The following RUNX1 variants were observed in gnomAD, a reference collection of about 807,000 sequenced individuals.
The protein encoded by RUNX1 is runt-related transcription factor 1.
A neutral mutation model predicts 42.8 loss-of-function variants in RUNX1; 19 were observed. The observed-to-expected ratio is 0.44, with a 90% CI of 0.31 to 0.65. The LOEUF is 0.65. RUNX1 is among the 30% of genes least tolerant of loss of function. The pLI, the probability that RUNX1 is intolerant of heterozygous loss-of-function variation, is 0.07. For missense variants in RUNX1, 528 were observed against 672.0 expected, an observed-to-expected ratio of 0.79 and a Z score of 2.37; for synonymous variants, 271 against 289.4, an observed-to-expected ratio of 0.94 and a Z score of 0.64.
chr21:34,790,235 A>G lies in RUNX1; in HGVS notation c.*1900T>C, dbSNP rs2056417357. 1 of 233,358 alleles carries G rather than the reference A, an allele frequency of 4.3e-6. No individual in the cohort carries two copies. The highest frequency in any genetic ancestry group is 2.2e-5 in the African/African-American group (1 of 45,466). 14.5% of individuals were successfully genotyped at this position (233,358 alleles called of 1,614,324 possible). A position where few individuals can be genotyped will look rare whatever the true frequency, so the allele number is the denominator to read the frequency against. ...TGTAAAACAAATAATCAATATATAT[A>G]TAAGAAAACTCAAAAACAAGTTGTT... is the stretch of plus-strand genomic sequence containing the variant. On this transcript the variant is annotated 3_prime_UTR_variant, in exon 9 of 9. Coordinates refer to ENST00000675419, the MANE Select transcript of RUNX1 (RefSeq NM_001754.5).
chr21:34,799,034 A>G (rs2056570509), intron 8 of RUNX1, among the ~76,000 whole-genome samples: 1 of 152,196 alleles, frequency 6.6e-6, no homozygotes, highest in Non-Finnish European at 1.5e-5. Context: ...TTAACCCTTC[A>G]GTCACCATCC....
chr21:35,010,625 G>GCGCGCA (rs376461042), intron 2 of RUNX1, among the ~76,000 whole-genome samples: 139 of 143,708 alleles, frequency 9.7e-4, no homozygotes, highest in African/African-American at 3.3e-3. Flanking sequence ...ACACACACAC[G>GCGCGCA]CACACACACA....
chr21:34,920,369 G>A (rs1216332925), intron 2 of RUNX1, among the ~76,000 whole-genome samples: 1 of 152,128 alleles, frequency 6.6e-6, no homozygotes, highest in Non-Finnish European at 1.5e-5. Flanking sequence ...ATGAGGTGAA[G>A]CAAGAATGAA....
At chr21:34,927,029 C>T (rs558064530) in intron 2 of RUNX1, among the ~76,000 whole-genome samples, 30 of 152,214 alleles carry the variant, frequency 2.0e-4, no homozygotes, top group African/African-American at 6.5e-4. Flanking sequence ...TGGAATGAGT[C>T]GTTTAGTGCT....
In RUNX1 at chr21:34,892,973, CAG is replaced by C. The variant is rs762416613; in HGVS notation, c.59-12_59-11del. The C allele has an allele frequency of 5.3e-5, 82 of 1,560,566 alleles. No homozygotes were observed. The highest frequency in any genetic ancestry group is 2.3e-4 in the African/African-American group (17 of 73,606). ...ATTCCAAGTATGCATTCTGAAATAA[CAG>C]AAAGTAGGAAAATAAAAGTAATGCA... On this transcript the variant is annotated splice_polypyrimidine_tract_variant and intron_variant, in intron 2 of 8. Transcript: ENST00000675419.
intron 2 of RUNX1, among the ~76,000 whole-genome samples, chr21:34,964,227 G>A (rs1158249391): frequency 1.3e-5 from 2 of 152,138 alleles, no homozygotes; most frequent in Admixed American, 6.5e-5. Context: ...GGTGGCTCAC[G>A]CCTGTAATTC....
At chr21:35,035,467 G>A (rs577567907) in intron 2 of RUNX1, among the ~76,000 whole-genome samples, 21 of 152,326 alleles carry the variant, frequency 1.4e-4, no homozygotes, top group East Asian at 5.8e-4. Context: ...CCTAGAAGCC[G>A]TGTGGCCTGG....
chr21:34,985,585 C>T (rs1438121955), intron 2 of RUNX1, among the ~76,000 whole-genome samples: 1 of 152,216 alleles, frequency 6.6e-6, no homozygotes, highest in Non-Finnish European at 1.5e-5. Context: ...AATCCCTATA[C>T]TGACCCCTAC....
At chr21:34,849,278 T>G (rs1454967274) in intron 6 of RUNX1, among the ~76,000 whole-genome samples, 1 of 66,582 alleles carries the variant, frequency 1.5e-5, no homozygotes, top group African/African-American at 5.8e-5. Flanking sequence ...AATATATATA[T>G]AATATATATT....
intron 2 of RUNX1, among the ~76,000 whole-genome samples, chr21:34,893,459 C>A (rs1012879760): frequency 6.6e-6 from 1 of 152,180 alleles, no homozygotes; most frequent in Non-Finnish European, 1.5e-5. Context: ...AAACCTCTCA[C>A]AAGTTCTAAT....
intron 7 of RUNX1, among the ~76,000 whole-genome samples, chr21:34,799,852 A>C (rs2145911701): frequency 6.6e-6 from 1 of 152,332 alleles, no homozygotes; most frequent in South Asian, 2.1e-4. Flanking sequence ...AATTATCATC[A>C]TCAGAAACAT....
intron 2 of RUNX1, among the ~76,000 whole-genome samples, chr21:34,931,862 G>C (rs146421098): frequency 6.6e-6 from 1 of 152,018 alleles, no homozygotes; most frequent in Admixed American, 6.6e-5. Flanking sequence ...AGAGTGGTTG[G>C]ATTTGTGTTC....
rs528842360 is a variant in RUNX1 at position 34,804,148 on chromosome 21, A to T, written c.806-4686T>A. 8.5e-5 allele frequency among the ~76,000 whole-genome samples: 13 copies of T among 152,304 alleles called. No homozygotes were observed. In the East Asian group the frequency reaches 2.5e-3, roughly 29 times the overall value. Reference sequence around the variant, plus strand: ...GGGAGCAGAATTTCTGAATTCATAAACTGATGAGAACACTTAATGGTGATT... The same window carrying T: ...GGGAGCAGAATTTCTGAATTCATAATCTGATGAGAACACTTAATGGTGATT... On this transcript the variant is annotated intron_variant, in intron 7 of 8. Coordinates refer to ENST00000675419, the MANE Select transcript of RUNX1 (RefSeq NM_001754.5).
chr21:34,818,842 G>A (rs746999954), intron 7 of RUNX1, among the ~76,000 whole-genome samples: 7 of 152,188 alleles, frequency 4.6e-5, no homozygotes, highest in African/African-American at 9.7e-5. Flanking sequence ...GTGGAGCAGC[G>A]TGCAGAGGCA....
chr21:34,927,415 G>A (rs1397069185), intron 2 of RUNX1, among the ~76,000 whole-genome samples: 1 of 152,130 alleles, frequency 6.6e-6, no homozygotes. Context: ...TATCTATGAT[G>A]CAACTAGTTT....
At chr21:34,889,772 G>C (rs2058056813) in intron 3 of RUNX1, 2 of 1,148,330 alleles carry the variant, frequency 1.7e-6, no homozygotes, top group Non-Finnish European at 2.2e-6. Context: ...CCCCCGGTCC[G>C]GCGTGCGCTG....
At chr21:35,042,372 T>C (rs2059365417) in intron 2 of RUNX1, among the ~76,000 whole-genome samples, 1 of 152,222 alleles carries the variant, frequency 6.6e-6, no homozygotes, top group South Asian at 2.1e-4. Context: ...TGATACAAGA[T>C]ATGACTGGGA....
At chr21:35,047,551 ACACACACACACTCTCTCTCTCTCT>A (rs1429005164) in intron 2 of RUNX1, among the ~76,000 whole-genome samples, 16 of 95,434 alleles carry the variant, frequency 1.7e-4, no homozygotes, top group African/African-American at 7.9e-4. Context: ...ACACACACAC[ACACACACACACTCTCTCTCTCTCT>A]CTCTCTCTCT....
At chr21:34,962,231 T>A (rs1251362935) in intron 2 of RUNX1, among the ~76,000 whole-genome samples, 1 of 152,206 alleles carries the variant, frequency 6.6e-6, no homozygotes, top group African/African-American at 2.4e-5. Context: ...CATTTATAGA[T>A]TGTTTTGATG....
Sources: gnomAD v4.1 joint callset for allele counts (sites outside exome capture counted in the v4.1 genomes callset) on GRCh38, gnomAD v4.1.1 for gene constraint, MANE v1.5 for transcripts, NCBI Gene and HGNC (gene_info 2026-07-23, HGNC 2026-07-21) for gene names.